Variants in ERBB4 observed in about 807,000 individuals in gnomAD.
The protein encoded by ERBB4 is erb-b2 receptor tyrosine kinase 4.
A neutral mutation model predicts 158.0 loss-of-function variants in ERBB4; 42 were observed. That is an observed-to-expected ratio of 0.27 (90% CI 0.21 to 0.34). ERBB4 has a LOEUF of 0.34. ERBB4 is among the 10% of genes least tolerant of loss of function. The probability of loss-of-function intolerance (pLI) is 1.00; values close to 1 mark genes in which losing one functional copy is unlikely to be tolerated. For missense variants in ERBB4, 1,333 were observed against 1,624.1 expected, an observed-to-expected ratio of 0.82 and a Z score of 3.08; for synonymous variants, 583 against 558.7, an observed-to-expected ratio of 1.04 and a Z score of -0.61.
intron 2 of ERBB4, among the ~76,000 whole-genome samples, chr2:212,102,517 T>C (rs549717966): frequency 6.6e-6 from 1 of 152,256 alleles, no homozygotes; most frequent in South Asian, 2.1e-4. Context: ...GAGGATTGTT[T>C]CCTCTTGTTT....
chr2:212,082,275 CAT>C (rs2078468922), intron 2 of ERBB4, among the ~76,000 whole-genome samples: 1 of 152,000 alleles, frequency 6.6e-6, no homozygotes, highest in Non-Finnish European at 1.5e-5. Context: ...TATATGGTCA[CAT>C]ATGTATAAAC....
At chr2:212,455,745 T>C (rs1688259128) in intron 1 of ERBB4, among the ~76,000 whole-genome samples, 1 of 152,186 alleles carries the variant, frequency 6.6e-6, no homozygotes, top group Non-Finnish European at 1.5e-5. Flanking sequence ...TGTTACTTTT[T>C]AAAATCTTAG....
chr2:211,619,071 AAG>A (rs1468741412), intron 19 of ERBB4, 104 bp downstream of exon 19: 2 of 721,262 alleles, frequency 2.8e-6, no homozygotes, highest in Non-Finnish European at 5.0e-6. Context: ...ATATTTCCAT[AAG>A]AGAAATTTGT....
At chr2:211,449,237 G>A (rs1444787254) in intron 20 of ERBB4, among the ~76,000 whole-genome samples, 2 of 152,066 alleles carry the variant, frequency 1.3e-5, no homozygotes, top group African/African-American at 4.8e-5. Flanking sequence ...GTTCTGAAAT[G>A]TTTTAGACCG....
chr2:212,534,324 A>G (rs1220762667), intron 1 of ERBB4, among the ~76,000 whole-genome samples: 1 of 152,214 alleles, frequency 6.6e-6, no homozygotes, highest in Non-Finnish European at 1.5e-5. Context: ...TCATTGCCTC[A>G]CTAGCATTTT....
intron 1 of ERBB4, among the ~76,000 whole-genome samples, chr2:212,420,341 A>C (rs1469504682): frequency 6.6e-6 from 1 of 152,086 alleles, no homozygotes; most frequent in African/African-American, 2.4e-5. Context: ...AGTTATGCTC[A>C]GGAATGGCCC....
intron 4 of ERBB4, among the ~76,000 whole-genome samples, chr2:211,772,951 ATATAT>A (rs1559505065): frequency 1.4e-5 from 1 of 71,804 alleles, no homozygotes; most frequent in Non-Finnish European, 2.6e-5. Context: ...ATATATATAT[ATATAT>A]TTTTTTTTTT....
At chr2:211,677,613 G>A (rs1189250328) in intron 13 of ERBB4, among the ~76,000 whole-genome samples, 1 of 149,578 alleles carries the variant, frequency 6.7e-6, no homozygotes, top group Non-Finnish European at 1.5e-5. Context: ...AGTGGCTTAC[G>A]CCTGTAATCC....
chr2:212,088,973 C>T (rs1243403317), intron 2 of ERBB4, among the ~76,000 whole-genome samples: 1 of 151,906 alleles, frequency 6.6e-6, no homozygotes, highest in Non-Finnish European at 1.5e-5. Context: ...CCTGAAAATA[C>T]AGAAACAAAA....
intron 20 of ERBB4, among the ~76,000 whole-genome samples, chr2:211,485,399 C>A (rs2065178495): frequency 6.6e-6 from 1 of 152,182 alleles, no homozygotes; most frequent in Admixed American, 6.5e-5. Flanking sequence ...TATAGACCAG[C>A]AGGAGAGTAT....
chr2:211,813,722 G>A (rs1259888764), intron 3 of ERBB4, among the ~76,000 whole-genome samples: 1 of 151,228 alleles, frequency 6.6e-6, no homozygotes, highest in African/African-American at 2.4e-5. Flanking sequence ...AGACAGGACA[G>A]TAAACTAGTT....
chr2:212,145,485 G>A (rs2080634541), intron 1 of ERBB4, among the ~76,000 whole-genome samples: 1 of 152,044 alleles, frequency 6.6e-6, no homozygotes, highest in Non-Finnish European at 1.5e-5. Context: ...ACTTACCCCA[G>A]AAAAGCTAAA....
chr2:211,571,083 G>A (rs1356732944), intron 19 of ERBB4, among the ~76,000 whole-genome samples: 28 of 117,986 alleles, frequency 2.4e-4, no homozygotes, highest in African/African-American at 7.1e-4. Flanking sequence ...TTGCTCTGTC[G>A]CCAGGCTGGA....
intron 1 of ERBB4, among the ~76,000 whole-genome samples, chr2:212,486,822 C>T (rs899355936): frequency 2.0e-5 from 3 of 152,164 alleles, no homozygotes; most frequent in African/African-American, 7.2e-5. Context: ...AGAAAAATAA[C>T]ACTACTGCTT....
intron 3 of ERBB4, among the ~76,000 whole-genome samples, chr2:211,940,006 T>TAGATAGATAGAC (rs1210326694): frequency 1.1e-4 from 16 of 150,776 alleles, no homozygotes; most frequent in South Asian, 2.1e-4. Flanking sequence ...GATAGATAGA[T>TAGATAGATAGAC]AGAGATAGAT....
chr2:211,608,190 C>T (rs2069060448), intron 19 of ERBB4, among the ~76,000 whole-genome samples: 1 of 152,132 alleles, frequency 6.6e-6, no homozygotes, highest in African/African-American at 2.4e-5. Flanking sequence ...AGGCCATCAA[C>T]TGGCTTTGAA....
chr2:212,198,878 T>C (rs1426625675), intron 1 of ERBB4, among the ~76,000 whole-genome samples: 2 of 151,548 alleles, frequency 1.3e-5, no homozygotes, highest in African/African-American at 4.8e-5. Context: ...CCACCACACC[T>C]AGCCTATAAC....
At chr2:211,850,083 G>T (rs2077682866) in intron 3 of ERBB4, among the ~76,000 whole-genome samples, 1 of 151,972 alleles carries the variant, frequency 6.6e-6, no homozygotes, top group South Asian at 2.1e-4. Context: ...TTCCATCGCT[G>T]TTTGCATAGA....
chr2:211,411,598 T>C (rs745365287), intron 25 of ERBB4, among the ~76,000 whole-genome samples: 2 of 152,204 alleles, frequency 1.3e-5, no homozygotes, highest in African/African-American at 4.8e-5. Flanking sequence ...AGATCAATGT[T>C]GGGATGATGC....
Sources: allele counts gnomAD v4.1 joint callset (sites outside exome capture counted in the v4.1 genomes callset), GRCh38; gene constraint gnomAD v4.1.1; transcripts MANE v1.5; gene names NCBI Gene and HGNC (gene_info 2026-07-23, HGNC 2026-07-21).